Variants in GLB1L3 observed in about 807,000 individuals in gnomAD.
GLB1L3 encodes galactosidase beta 1 like 3, also known as beta-galactosidase-1-like protein 3.
A neutral mutation model predicts 89.5 loss-of-function variants in GLB1L3; 89 were observed. The observed-to-expected ratio is 0.99, with a 90% CI of 0.84 to 1.19. The LOEUF is 1.19. GLB1L3 is among the 50% of genes most tolerant of loss of function. The pLI, the probability that GLB1L3 is intolerant of heterozygous loss-of-function variation, is 0.00. For missense variants in GLB1L3, 812 were observed against 813.3 expected (o/e 1.00, Z 0.02); for synonymous variants, 314 against 312.3 (o/e 1.01, Z -0.06).
rs984305883 is a variant in GLB1L3, at chr11:134,298,425, G to A, written c.876+5216G>A. ...GAAGCAAAAATTCTCAACAAAGGAT[G>A]AGCAAATTGAATCCAGCAATATGTA... On this transcript the variant is annotated intron_variant, in intron 9 of 19. Coordinates refer to ENST00000431683, the MANE Select transcript of GLB1L3 (RefSeq NM_001080407.3). Among the ~76,000 whole-genome samples, 30 of 152,212 alleles carry A rather than the reference G, an allele frequency of 2.0e-4. 1 individual carries two copies. The highest frequency in any genetic ancestry group is 4.1e-4 in the South Asian group (2 of 4,822).
intron 18 of GLB1L3, among the ~76,000 whole-genome samples, chr11:134,314,723 T>C (rs1942903804): frequency 1.3e-5 from 2 of 152,318 alleles, no homozygotes; most frequent in South Asian, 4.1e-4. Context: ...TAGTCTCTGC[T>C]TCTCAGAACT....
Position 134,312,965 on chromosome 11 carries a change from C to CT in GLB1L3, c.1500+79dup, listed in dbSNP as rs1317954462. Reference sequence around the variant, plus strand: ...GGAGCCTGGTCCTGAGACAGTCAGCCTCCCTTCTCCACCCCTGCTGCTGGT... The same window carrying CT: ...GGAGCCTGGTCCTGAGACAGTCAGCCTTCCCTTCTCCACCCCTGCTGCTGGT... On this transcript the variant is annotated intron_variant, in intron 15 of 19. Transcript: ENST00000431683. The CT allele has an allele frequency of 9.4e-6, 9 of 959,248 alleles. No individual in the cohort carries two copies. The African/African-American group carries it at 1.1e-4, about 12-fold the overall frequency. 59.4% of individuals were successfully genotyped at this position (959,248 alleles called of 1,614,324 possible). A position where few individuals can be genotyped will look rare whatever the true frequency, so the allele number is the denominator to read the frequency against.
intron 10 of GLB1L3, among the ~76,000 whole-genome samples, chr11:134,308,655 T>TCACCACCACCACCACCATCACCAC (rs1942556108): frequency 9.5e-6 from 1 of 105,542 alleles, no homozygotes. Flanking sequence ...ACCACCATCA[T>TCACCACCACCACCACCATCACCAC]CACCACCACC....
At chr11:134,287,623 G>A (rs1375171092) in intron 6 of GLB1L3, among the ~76,000 whole-genome samples, 1 of 152,232 alleles carries the variant, frequency 6.6e-6, no homozygotes, top group Non-Finnish European at 1.5e-5. Context: ...CAACTCACTC[G>A]CTGAGAATAT....
chr11:134,310,879 A>G (rs548378), intron 12 of GLB1L3, 185 bp from the exon 13 acceptor site: 108,368 of 627,136 alleles, frequency 0.17, 10,250 homozygotes, highest in Middle Eastern at 0.2. Flanking sequence ...AAGCATAAAG[A>G]TAGTAACCTT....
chr11:134,314,224 T>A, intron 17 of GLB1L3, 106 bp from the exon 18 acceptor site: 1 of 781,046 alleles, frequency 1.3e-6, no homozygotes, highest in Non-Finnish European at 2.1e-6. Flanking sequence ...CTACTCTATC[T>A]CATTGAAACA....
At chr11:134,324,638 G>A in the GLB1L3 span, among the ~76,000 whole-genome samples, 1 of 152,242 alleles carries the variant, frequency 6.6e-6, no homozygotes, top group South Asian at 2.1e-4. Context: ...ATTTATCATA[G>A]ATGTAGCTGC....
chr11:134,322,487 C>T (rs537546872), downstream of GLB1L3, among the ~76,000 whole-genome samples: 18 of 152,088 alleles, frequency 1.2e-4, no homozygotes, highest in Non-Finnish European at 2.4e-4. Context: ...GATATATTCA[C>T]GAGATTGTAC....
rs1943111869 is a variant in GLB1L3, at chr11:134,319,187, C to T, written c.*245C>T. On this transcript the variant is annotated 3_prime_UTR_variant, in exon 20 of 20. Coordinates refer to ENST00000431683, the MANE Select transcript of GLB1L3 (RefSeq NM_001080407.3). ...GCCAGGATGGTCCCAATCTCCTGAC[C>T]TTGTGATCTGCTCTCCTCAGCCTCC... 1 of 438,254 alleles carries T rather than the reference C, an allele frequency of 2.3e-6. No homozygotes were observed. The highest frequency in any genetic ancestry group is 4.1e-6 in the Non-Finnish European group (1 of 242,492). 27.1% of individuals were successfully genotyped at this position (438,254 alleles called of 1,614,324 possible).
At chr11:134,300,091 A>G (rs933597332) in intron 9 of GLB1L3, among the ~76,000 whole-genome samples, 6 of 152,170 alleles carry the variant, frequency 3.9e-5, no homozygotes, top group Admixed American at 1.3e-4. Flanking sequence ...GCAAAGGACC[A>G]TAGACTGTGT....
chr11:134,277,025 C>T, intron 1 of GLB1L3: 1 of 572,014 alleles, frequency 1.7e-6, no homozygotes, highest in Non-Finnish European at 3.1e-6. Context: ...CCGTGTCCTT[C>T]CCGAACCTGG....
At chr11:134,303,782 G>T (rs1429145248) in intron 9 of GLB1L3, among the ~76,000 whole-genome samples, 1 of 152,006 alleles carries the variant, frequency 6.6e-6, no homozygotes, top group Admixed American at 6.5e-5. Context: ...ATATCTTGGA[G>T]ATTCTACTCA....
intron 9 of GLB1L3, among the ~76,000 whole-genome samples, chr11:134,299,034 A>C (rs1941804362): frequency 6.6e-6 from 1 of 152,030 alleles, no homozygotes; most frequent in Non-Finnish European, 1.5e-5. Context: ...CAGTTTGCTT[A>C]ATTTCTACTG....
At chr11:134,276,924 C>T (rs1940396864) in intron 1 of GLB1L3, among the ~76,000 whole-genome samples, 161 bp downstream of exon 1, 1 of 152,208 alleles carries the variant, frequency 6.6e-6, no homozygotes, top group Non-Finnish European at 1.5e-5. Flanking sequence ...CGGCAGATCC[C>T]CTGGCTACCC....
rs1369520407 is a variant in GLB1L3 at position 134,300,524 on chromosome 11, C to T, written c.877-6600C>T. ...ATTTTTTTTGTATTTTTAGTAGAGA[C>T]GGGGTTTCACCGTGTTAGCCAGGAT... On this transcript the variant is annotated intron_variant, in intron 9 of 19. Coordinates refer to ENST00000431683, the MANE Select transcript of GLB1L3 (RefSeq NM_001080407.3). 1.1e-4 allele frequency among the ~76,000 whole-genome samples: 16 copies of T among 151,930 alleles called. 2 individuals are homozygous for T. Among genetic ancestry groups the T allele is most frequent in the Admixed American group, 2.0e-4 (3 of 15,258 alleles).
rs771117269 is a variant in GLB1L3, at chr11:134,307,122, A to G, written c.877-2A>G. 2 of 1,611,324 alleles carry G rather than the reference A, an allele frequency of 1.2e-6. No homozygotes were observed. Among genetic ancestry groups the G allele is most frequent in the Non-Finnish European group, 1.7e-6 (2 of 1,178,370 alleles). On this transcript the variant is annotated splice_acceptor_variant, in intron 9 of 19. Coordinates refer to ENST00000431683, the MANE Select transcript of GLB1L3 (RefSeq NM_001080407.3). LOFTEE classifies it high-confidence loss of function. ...TTAGTATTTGCTTTGGTTTGTTTTTAGAGAGATAAGCCCCTTCTGATTATG... is the reference window on the plus strand; with the variant it reads ...TTAGTATTTGCTTTGGTTTGTTTTTGGAGAGATAAGCCCCTTCTGATTATG...
rs1565413730 is a variant in GLB1L3, at chr11:134,308,443, CCAT to C, written c.962-1180_962-1178del. Among the ~76,000 whole-genome samples, 177 of 52,240 alleles carry C rather than the reference CCAT, an allele frequency of 3.4e-3. 2 individuals carry two copies. The highest frequency in any genetic ancestry group is 0.019 in the African/African-American group (140 of 7,374). The allele number at this position is 52,240 out of a possible 152,430, so 34.3% of individuals were successfully genotyped here. The stretch of plus-strand genomic sequence containing the variant: ...ATCATCACCATCACCACCACCACCA[CCAT>C]CACCACCACCACCACCACCACCACC... On this transcript the variant is annotated intron_variant, in intron 10 of 19. Transcript: ENST00000431683.
downstream of GLB1L3, among the ~76,000 whole-genome samples, chr11:134,319,722 G>A (rs200905971): frequency 3.2e-5 from 4 of 125,280 alleles, no homozygotes; most frequent in African/African-American, 9.2e-5. Context: ...CTCTCTCTGT[G>A]TATGTGTGTG....
intron 11 of GLB1L3, 188 bp downstream of exon 11, chr11:134,309,951 T>C (rs1240120940): frequency 4.7e-6 from 3 of 638,608 alleles, no homozygotes; most frequent in Non-Finnish European, 8.0e-6. Flanking sequence ...GTCATTGCAG[T>C]AGACAGGGCT....
Sources: gnomAD v4.1 joint callset for allele counts (sites outside exome capture counted in the v4.1 genomes callset) on GRCh38, gnomAD v4.1.1 for gene constraint, MANE v1.5 for transcripts, NCBI Gene and HGNC (gene_info 2026-07-23, HGNC 2026-07-21) for gene names.